The following LRP1B variants were observed in gnomAD, a reference collection of about 807,000 sequenced individuals.
LRP1B encodes the protein LDL receptor related protein 1B.
Under a neutral mutation model 556.6 loss-of-function variants are expected in LRP1B, and 217 were observed. The observed-to-expected ratio is 0.39, with a 90% CI of 0.35 to 0.44. LRP1B has a LOEUF of 0.44. Ranked by LOEUF, LRP1B falls within the 20% of genes least tolerant of loss-of-function variation. The probability of loss-of-function intolerance (pLI) is 1.00; values close to 1 mark genes in which losing one functional copy is unlikely to be tolerated. For missense variants in LRP1B, 5,053 were observed against 5,620.8 expected, an observed-to-expected ratio of 0.90 and a Z score of 3.23; for synonymous variants, 2,047 against 1,865.8, an observed-to-expected ratio of 1.10 and a Z score of -2.50.
chr2:142,051,427 GA>G (rs1379571228), intron 1 of LRP1B, among the ~76,000 whole-genome samples: 3 of 150,654 alleles, frequency 2.0e-5, no homozygotes, highest in African/African-American at 7.3e-5. Flanking sequence ...AATAATGGTG[GA>G]AAAAAGTAAC....
intron 1 of LRP1B, among the ~76,000 whole-genome samples, chr2:141,911,250 T>G (rs148682401): frequency 2.6e-5 from 4 of 152,258 alleles, no homozygotes; most frequent in Non-Finnish European, 5.9e-5. Context: ...GTATTACATT[T>G]AATGCAATCT....
chr2:141,433,678 C>A (rs981787684), intron 3 of LRP1B, among the ~76,000 whole-genome samples: 1 of 151,486 alleles, frequency 6.6e-6, no homozygotes, highest in Non-Finnish European at 1.5e-5. Context: ...GTTGTTTCCA[C>A]CTTACTGCTT....
chr2:140,581,120 C>T (rs955860490), intron 43 of LRP1B, among the ~76,000 whole-genome samples: 3 of 152,180 alleles, frequency 2.0e-5, no homozygotes, highest in Non-Finnish European at 4.4e-5. Flanking sequence ...CTTTTATTTA[C>T]TTTCTCTATT....
chr2:140,814,374 A>G (rs554670117), intron 31 of LRP1B, among the ~76,000 whole-genome samples: 18 of 152,290 alleles, frequency 1.2e-4, no homozygotes, highest in African/African-American at 4.1e-4. Context: ...GCCACCAAGA[A>G]ATGACAGCTC....
intron 73 of LRP1B, among the ~76,000 whole-genome samples, chr2:140,358,363 G>C (rs953088432): frequency 6.6e-6 from 1 of 151,620 alleles, no homozygotes; most frequent in Non-Finnish European, 1.5e-5. Flanking sequence ...TACCCTAAGT[G>C]TAATTTTTTT....
At chr2:141,510,664 A>C (rs1684094963) in intron 2 of LRP1B, among the ~76,000 whole-genome samples, 1 of 152,140 alleles carries the variant, frequency 6.6e-6, no homozygotes, top group Non-Finnish European at 1.5e-5. Flanking sequence ...CACTGAATAC[A>C]GCACTCTCTG....
At position 140,835,687 on chromosome 2, in the gene LRP1B, G is replaced by A. The variant is rs148800584; in HGVS notation, c.5209+4304C>T. ...CAAGTAACTGGGATTACAGGCGCTC[G>A]CCACCACGTCTGGCTAATGTTTTGT... On this transcript the variant is annotated intron_variant, in intron 31 of 90. Coordinates refer to ENST00000389484, the MANE Select transcript of LRP1B (RefSeq NM_018557.3). 2.8e-3 allele frequency among the ~76,000 whole-genome samples: 425 copies of A among 151,878 alleles called. 4 individuals carry two copies. The highest frequency in any genetic ancestry group is 0.021 in the Admixed American group (317 of 15,250).
intron 7 of LRP1B, among the ~76,000 whole-genome samples, chr2:141,148,874 G>A (rs1015942924): frequency 6.6e-5 from 10 of 152,048 alleles, no homozygotes; most frequent in African/African-American, 2.4e-4. Context: ...ACTTGAGGTT[G>A]GGAGTTTAAG....
At chr2:141,448,393 T>C (rs540161652) in intron 3 of LRP1B, among the ~76,000 whole-genome samples, 1 of 152,312 alleles carries the variant, frequency 6.6e-6, no homozygotes, top group African/African-American at 2.4e-5. Context: ...CTTGGCTTCC[T>C]GGCTTCAGCT....
chr2:140,377,817 C>G (rs1428730111), intron 68 of LRP1B, among the ~76,000 whole-genome samples: 3 of 152,132 alleles, frequency 2.0e-5, no homozygotes, highest in African/African-American at 7.2e-5. Flanking sequence ...GGAGAAGAAA[C>G]TGTTTAAAAT....
At chr2:141,599,435 A>G (rs1440537639) in intron 2 of LRP1B, among the ~76,000 whole-genome samples, 1 of 152,094 alleles carries the variant, frequency 6.6e-6, no homozygotes, top group Non-Finnish European at 1.5e-5. Context: ...CTTCTGTGTA[A>G]TAAAATCTAA....
chr2:140,728,727 G>A (rs1224160346), intron 35 of LRP1B, among the ~76,000 whole-genome samples: 1 of 152,026 alleles, frequency 6.6e-6, no homozygotes, highest in Non-Finnish European at 1.5e-5. Context: ...TACTTAAAAG[G>A]TTTAATGAAT....
At chr2:140,257,719 A>G (rs1382431944) in intron 86 of LRP1B, among the ~76,000 whole-genome samples, 1 of 152,146 alleles carries the variant, frequency 6.6e-6, no homozygotes, top group Non-Finnish European at 1.5e-5. Flanking sequence ...TTGTTCTTTG[A>G]AAATATAACA....
intron 3 of LRP1B, among the ~76,000 whole-genome samples, chr2:141,467,349 A>G (rs1452166187): frequency 1.3e-5 from 2 of 152,088 alleles, no homozygotes; most frequent in African/African-American, 2.4e-5. Context: ...AGCATGATGA[A>G]GTTACAGGAG....
At chr2:141,306,545 G>C (rs188497828) in intron 3 of LRP1B, among the ~76,000 whole-genome samples, 1 of 152,112 alleles carries the variant, frequency 6.6e-6, no homozygotes, top group African/African-American at 2.4e-5. Flanking sequence ...CTAGTTAGCA[G>C]TTTATCAATT....
At chr2:141,925,001 G>C (rs1392349257) in intron 1 of LRP1B, among the ~76,000 whole-genome samples, 1 of 152,056 alleles carries the variant, frequency 6.6e-6, no homozygotes, top group Admixed American at 6.6e-5. Context: ...AATTCATCTT[G>C]ATTCTGTAAT....
chr2:141,038,603 G>A (rs1280704010), intron 11 of LRP1B, among the ~76,000 whole-genome samples: 1 of 152,082 alleles, frequency 6.6e-6, no homozygotes, highest in Non-Finnish European at 1.5e-5. Context: ...AGTTTTCTCA[G>A]CATGTATTAT....
intron 1 of LRP1B, among the ~76,000 whole-genome samples, chr2:142,040,173 T>G (rs1189504101): frequency 6.6e-6 from 1 of 151,410 alleles, no homozygotes; most frequent in Non-Finnish European, 1.5e-5. Context: ...CATAATCTGG[T>G]TTCTAATGAT....
intron 2 of LRP1B, among the ~76,000 whole-genome samples, chr2:141,544,374 T>TCC (rs1179822079): frequency 1.0e-4 from 12 of 117,278 alleles, no homozygotes; most frequent in African/African-American, 3.5e-4. Context: ...CTTCTTCTTC[T>TCC]TCTTCTTCTC....
Sources: allele counts gnomAD v4.1 joint callset (sites outside exome capture counted in the v4.1 genomes callset), GRCh38; gene constraint gnomAD v4.1.1; transcripts MANE v1.5; gene names NCBI Gene and HGNC (gene_info 2026-07-23, HGNC 2026-07-21).